Variants in XPO7 observed in about 807,000 individuals in gnomAD.
The protein encoded by XPO7 is exportin-7.
XPO7 carries 21 observed loss-of-function variants against 144.3 expected under a neutral mutation model. The observed-to-expected ratio is 0.15, with a 90% CI of 0.10 to 0.21. XPO7 has a LOEUF of 0.21. Ranked by LOEUF, XPO7 falls within the 10% of genes least tolerant of loss-of-function variation. The probability of loss-of-function intolerance (pLI) is 1.00; values close to 1 mark genes in which losing one functional copy is unlikely to be tolerated. For synonymous variants in XPO7, 580 were observed against 499.6 expected, an observed-to-expected ratio of 1.16 and a Z score of -2.15; for missense variants, 808 against 1,325.8, an observed-to-expected ratio of 0.61 and a Z score of 6.06.
Position 21,958,475 on chromosome 8 carries a change from C to T in XPO7, c.19-8382C>T, listed in dbSNP as rs546193354. 5.9e-5 allele frequency among the ~76,000 whole-genome samples: 9 copies of T among 152,252 alleles called. No individual in the cohort carries two copies. In the South Asian group the frequency reaches 1.9e-3, roughly 32 times the overall value. On this transcript the variant is annotated intron_variant, in intron 1 of 27. Transcript: ENST00000252512. ...ATGACTGAATGAAATTTATCTAACA[C>T]ACACAATTTCACCATAAGTTACATC...
intron 1 of XPO7, among the ~76,000 whole-genome samples, chr8:21,954,062 C>T (rs537187159): frequency 6.6e-6 from 1 of 152,260 alleles, no homozygotes; most frequent in African/African-American, 2.4e-5. Context: ...GAAGATAATT[C>T]TCTGGGCCAG....
intron 1 of XPO7, among the ~76,000 whole-genome samples, chr8:21,930,269 T>G (rs553690217): frequency 6.6e-6 from 1 of 152,212 alleles, no homozygotes; most frequent in Non-Finnish European, 1.5e-5. Context: ...CAGTAAACAT[T>G]CCCTCATTTG....
intron 1 of XPO7, among the ~76,000 whole-genome samples, chr8:21,959,649 A>G (rs1811657113): frequency 6.6e-6 from 1 of 152,232 alleles, no homozygotes; most frequent in African/African-American, 2.4e-5. Context: ...ACTTTAAAAA[A>G]AAAATGTCCT....
At chr8:21,919,890 G>A in intron 1 of XPO7, 102 bp downstream of exon 1, 1 of 284,970 alleles carries the variant, frequency 3.5e-6, no homozygotes, top group Non-Finnish European at 6.7e-6. Flanking sequence ...GGACTCGGCA[G>A]GCCCGCGCCG....
intron 23 of XPO7, 50 bp downstream of exon 23, chr8:21,999,355 C>G: frequency 5.0e-6 from 8 of 1,604,040 alleles, no homozygotes; most frequent in Non-Finnish European, 6.8e-6. Flanking sequence ...CACATTCAGC[C>G]TTTTTCACCT....
At chr8:21,985,088 G>C (rs1812537219) in intron 12 of XPO7, among the ~76,000 whole-genome samples, 1 of 152,124 alleles carries the variant, frequency 6.6e-6, no homozygotes, top group African/African-American at 2.4e-5. Context: ...CGTGGGCCTT[G>C]TACTTCTTGG....
intron 1 of XPO7, among the ~76,000 whole-genome samples, chr8:21,928,876 A>G (rs1810549212): frequency 6.6e-6 from 1 of 152,208 alleles, no homozygotes; most frequent in African/African-American, 2.4e-5. Flanking sequence ...CCGTATGGCT[A>G]TTTTTGTACC....
intron 1 of XPO7, among the ~76,000 whole-genome samples, chr8:21,950,861 C>T (rs1045798699): frequency 2.6e-5 from 4 of 151,714 alleles, no homozygotes; most frequent in East Asian, 3.9e-4. Flanking sequence ...TAGAGCCTGG[C>T]GTATAATCCC....
chr8:21,929,543 T>C (rs1810575486), intron 1 of XPO7, among the ~76,000 whole-genome samples: 1 of 152,228 alleles, frequency 6.6e-6, no homozygotes, highest in Admixed American at 6.5e-5. Context: ...GTTGTAACTG[T>C]TTTACAGATG....
chr8:21,990,373 T>A lies in XPO7; in HGVS notation c.1898T>A (p.Leu633His). 6.2e-7 allele frequency: 1 copy of A among 1,613,848 alleles called. No individual in the cohort carries two copies. Residue 633 changes from leucine to histidine, a missense_variant, in exon 17 of 28, where the codon CTT becomes CAT. By Grantham distance (99) the Leu-to-His change is moderately conservative (BLOSUM62 -3). This residue lies in a region of XPO7 where 416 missense variants were observed against 612.5 expected (regional missense o/e 0.68). Coordinates refer to ENST00000252512, the MANE Select transcript of XPO7 (RefSeq NM_015024.5). ...AGTAGCGTAAGGAAGCTAGTGAAGC[T>A]TAGTGCGGTACAGTTCATGCTGAAC... ...GYSSVRKLVK[L>H]SAVQFMLNNH...
At chr8:21,962,358 A>G (rs1437146335) in intron 1 of XPO7, among the ~76,000 whole-genome samples, 1 of 152,206 alleles carries the variant, frequency 6.6e-6, no homozygotes, top group Non-Finnish European at 1.5e-5. Flanking sequence ...GAAAAAAGAA[A>G]ATAAAATGAG....
Position 21,982,711 on chromosome 8 carries a change from G to A in XPO7, c.1176G>A (p.Pro392=), listed in dbSNP as rs762793670. ...SLWQRLAASV[P]YVKATEPHML... ...GGCAGCGGCTGGCAGCCTCTGTGCC[G>A]TATGTCAAAGCCACAGAGCCCCACA... is the stretch of plus-strand genomic sequence containing the variant. Residue 392 remains proline (P), a synonymous_variant, in exon 11 of 28, where the codon CCG becomes CCA. Coordinates refer to ENST00000252512, the MANE Select transcript of XPO7 (RefSeq NM_015024.5). 3.5e-5 allele frequency: 56 copies of A among 1,613,638 alleles called. 1 individual carries two copies. Among genetic ancestry groups the A allele is most frequent in the Admixed American group, 1.7e-4 (10 of 59,936 alleles).
chr8:21,983,958 C>T (rs1481431209), intron 11 of XPO7, among the ~76,000 whole-genome samples: 2 of 152,108 alleles, frequency 1.3e-5, no homozygotes, highest in African/African-American at 2.4e-5. Flanking sequence ...TAAGGCAAGA[C>T]CTAGTACAGG....
intron 21 of XPO7, among the ~76,000 whole-genome samples, chr8:21,998,100 T>C (rs889880823): frequency 6.6e-6 from 1 of 152,218 alleles, no homozygotes; most frequent in African/African-American, 2.4e-5. Flanking sequence ...TGCCAACTAA[T>C]GGCTGAAGGG....
intron 1 of XPO7, among the ~76,000 whole-genome samples, chr8:21,937,740 C>T (rs1406509318): frequency 6.6e-6 from 1 of 152,058 alleles, no homozygotes; most frequent in Non-Finnish European, 1.5e-5. Context: ...AATCAGTACC[C>T]GATTCTTGGT....
At chr8:21,936,149 A>G (rs1422730122) in intron 1 of XPO7, among the ~76,000 whole-genome samples, 1 of 152,146 alleles carries the variant, frequency 6.6e-6, no homozygotes, top group Non-Finnish European at 1.5e-5. Flanking sequence ...CCTCTGCTAA[A>G]ATTGCCTGGG....
chr8:21,937,511 G>C (rs915782389), intron 1 of XPO7, among the ~76,000 whole-genome samples: 8 of 152,168 alleles, frequency 5.3e-5, no homozygotes, highest in Non-Finnish European at 1.2e-4. Flanking sequence ...TTCTGAAGTA[G>C]CTCATGGCTG....
chr8:22,004,625 C>T (rs1322295366), intron 27 of XPO7, among the ~76,000 whole-genome samples: 4 of 152,062 alleles, frequency 2.6e-5, no homozygotes, highest in Non-Finnish European at 4.4e-5. Flanking sequence ...TTCAGGGGCA[C>T]GGTAGCCATA....
rs142030193 is a variant in XPO7 at position 21,964,853 on chromosome 8, G to A, written c.19-2004G>A. Among the ~76,000 whole-genome samples, 758 of 152,348 alleles carry A rather than the reference G, an allele frequency of 5.0e-3. 9 individuals are homozygous for A. Among genetic ancestry groups the A allele is most frequent in the African/African-American group, 0.017 (712 of 41,588 alleles). On this transcript the variant is annotated intron_variant, in intron 1 of 27. Coordinates refer to ENST00000252512, the MANE Select transcript of XPO7 (RefSeq NM_015024.5). Reference sequence around the variant, plus strand: ...GTAACAGATGCTTAGACATTGTCATGTGAACAACTTTGTTGTAATAAACAT... The same window carrying A: ...GTAACAGATGCTTAGACATTGTCATATGAACAACTTTGTTGTAATAAACAT...
Sources: gnomAD v4.1 joint callset for allele counts (sites outside exome capture counted in the v4.1 genomes callset) on GRCh38, gnomAD v4.1.1 for gene constraint, gnomAD v4.1.1 regional missense constraint, MANE v1.5 for transcripts, NCBI Gene and HGNC (gene_info 2026-07-23, HGNC 2026-07-21) for gene names.